C1orf21: variants seen among roughly 807,000 people sequenced by gnomAD.
C1orf21 encodes the protein uncharacterized protein C1orf21.
C1orf21 carries 3 observed loss-of-function variants against 18.7 expected under a neutral mutation model. That is an observed-to-expected ratio of 0.16 (90% CI 0.07 to 0.42). The LOEUF (loss-of-function observed/expected upper bound fraction) is 0.42. C1orf21 is among the 10% of genes least tolerant of loss of function. The pLI is 0.99. For synonymous variants in C1orf21, 41 were observed against 46.4 expected (o/e 0.88, Z 0.47); for missense variants, 104 against 143.6 (o/e 0.72, Z 1.41).
At chr1:184,523,896 T>C (rs1243130707) in intron 3 of C1orf21, among the ~76,000 whole-genome samples, 1 of 152,120 alleles carries the variant, frequency 6.6e-6, no homozygotes, top group Non-Finnish European at 1.5e-5. Context: ...TTATGTAGGG[T>C]TATTGAGACA....
chr1:184,594,171 G>A (rs2102000614), intron 4 of C1orf21, among the ~76,000 whole-genome samples: 1 of 152,324 alleles, frequency 6.6e-6, no homozygotes, highest in African/African-American at 2.4e-5. Context: ...TGAACTACTA[G>A]TAGGAGTCTG....
intron 3 of C1orf21, chr1:184,567,675 T>C (rs1659053339): frequency 5.1e-6 from 2 of 389,008 alleles, no homozygotes; most frequent in Non-Finnish European, 1.0e-5. Flanking sequence ...AGTTTCATAC[T>C]GGTCAAGCAG....
At chr1:184,500,933 A>C (rs1341516928) in intron 2 of C1orf21, among the ~76,000 whole-genome samples, 17 of 152,076 alleles carry the variant, frequency 1.1e-4, no homozygotes, top group Admixed American at 8.5e-4. Context: ...TTCCCTCTTG[A>C]GACTTGCTGT....
At chr1:184,593,198 C>G (rs1260917024) in intron 4 of C1orf21, among the ~76,000 whole-genome samples, 1 of 152,134 alleles carries the variant, frequency 6.6e-6, no homozygotes. Context: ...CACCCTGAAG[C>G]AGCACACTTC....
At chr1:184,555,950 C>T (rs1658873032) in intron 3 of C1orf21, among the ~76,000 whole-genome samples, 1 of 152,168 alleles carries the variant, frequency 6.6e-6, no homozygotes, top group Non-Finnish European at 1.5e-5. Flanking sequence ...GGCTGGGACT[C>T]CTGCTAGAGG....
At chr1:184,497,025 C>G (rs890645236) in intron 2 of C1orf21, among the ~76,000 whole-genome samples, 2 of 152,182 alleles carry the variant, frequency 1.3e-5, no homozygotes, top group Non-Finnish European at 2.9e-5. Flanking sequence ...TCCTCAGGCT[C>G]TCAGTACAGA....
intron 2 of C1orf21, among the ~76,000 whole-genome samples, chr1:184,503,626 G>A (rs1320326688): frequency 3.3e-5 from 5 of 152,136 alleles, no homozygotes; most frequent in South Asian, 2.1e-4. Flanking sequence ...TAGCTATGCT[G>A]AAGTGATTGA....
At chr1:184,526,796 CTTCATTCA>C (rs796163190) in intron 3 of C1orf21, among the ~76,000 whole-genome samples, 1 of 152,062 alleles carries the variant, frequency 6.6e-6, no homozygotes, top group Non-Finnish European at 1.5e-5. Flanking sequence ...TCTCAACCCC[CTTCATTCA>C]TTCATTCATT....
intron 3 of C1orf21, among the ~76,000 whole-genome samples, chr1:184,544,635 A>G (rs773128765): frequency 6.6e-6 from 1 of 152,248 alleles, no homozygotes; most frequent in Non-Finnish European, 1.5e-5. Context: ...GTGATGTATT[A>G]GTTACCCAGT....
At chr1:184,472,097 C>T (rs1451417022) in intron 1 of C1orf21, among the ~76,000 whole-genome samples, 1 of 151,794 alleles carries the variant, frequency 6.6e-6, no homozygotes, top group Non-Finnish European at 1.5e-5. Flanking sequence ...TACAGTGAAG[C>T]CCAGCAGATG....
At chr1:184,505,137 G>C (rs1271557377) in intron 2 of C1orf21, among the ~76,000 whole-genome samples, 7 of 151,706 alleles carry the variant, frequency 4.6e-5, no homozygotes, top group Non-Finnish European at 1.0e-4. Flanking sequence ...GCAGACGGGA[G>C]AGGACAGTGG....
intron 3 of C1orf21, among the ~76,000 whole-genome samples, chr1:184,583,230 G>C (rs904794968): frequency 7.2e-5 from 11 of 152,194 alleles, no homozygotes; most frequent in Non-Finnish European, 1.6e-4. Context: ...CGCGACAACA[G>C]CATAAGTATA....
At chr1:184,516,826 A>G (rs1365628357) in intron 3 of C1orf21, among the ~76,000 whole-genome samples, 1 of 152,216 alleles carries the variant, frequency 6.6e-6, no homozygotes. Flanking sequence ...GAGCCAAACC[A>G]TATTAACATC....
chr1:184,560,464 T>G lies in C1orf21; in HGVS notation c.190-30275T>G, dbSNP rs529302109. Among the ~76,000 whole-genome samples, 17 of 152,344 alleles carry G rather than the reference T, an allele frequency of 1.1e-4. 1 individual carries two copies. The East Asian group carries it at 1.5e-3, about 14-fold the overall frequency. ...AATTTCAATGACAGCAAAACCGCAC[T>G]GGTTCATATGAGCCAGAAGAAAAGG... is the stretch of plus-strand genomic sequence containing the variant. On this transcript the variant is annotated intron_variant, in intron 3 of 5. Transcript: ENST00000235307.
At chr1:184,553,601 A>G (rs937330539) in intron 3 of C1orf21, among the ~76,000 whole-genome samples, 1 of 152,188 alleles carries the variant, frequency 6.6e-6, no homozygotes, top group Non-Finnish European at 1.5e-5. Flanking sequence ...CTTCTGGGCT[A>G]TAGACTTTTT....
chr1:184,531,277 T>C (rs1436015472), intron 3 of C1orf21, among the ~76,000 whole-genome samples: 1 of 152,184 alleles, frequency 6.6e-6, no homozygotes, highest in African/African-American at 2.4e-5. Context: ...TCTTAGAGAC[T>C]CCCATTGCTT....
Position 184,627,958 on chromosome 1 carries a change from G to GT in C1orf21, c.*8404dup, listed in dbSNP as rs1460792399. On this transcript the variant is annotated 3_prime_UTR_variant, in exon 6 of 6. Coordinates refer to ENST00000235307, the MANE Select transcript of C1orf21 (RefSeq NM_030806.4). ...GGATCAAAATGCCTCCATGCCAGTT[G>GT]TTAATGGCTACATATTTGCCCTTCC... 6.6e-6 allele frequency: 1 copy of GT among 152,230 alleles called. No homozygotes were observed. Among genetic ancestry groups the GT allele is most frequent in the Non-Finnish European group, 1.5e-5 (1 of 68,034 alleles). 9.4% of individuals were successfully genotyped at this position (152,230 alleles called of 1,614,324 possible).
chr1:184,586,047 GT>G (rs1659347357), intron 3 of C1orf21, among the ~76,000 whole-genome samples: 1 of 152,186 alleles, frequency 6.6e-6, no homozygotes, highest in Non-Finnish European at 1.5e-5. Flanking sequence ...TCACCACACT[GT>G]CTTTCAAAAT....
At chr1:184,504,497 A>G (rs1040035508) in intron 2 of C1orf21, among the ~76,000 whole-genome samples, 4 of 152,184 alleles carry the variant, frequency 2.6e-5, no homozygotes, top group African/African-American at 7.2e-5. Context: ...TCGTAACCCA[A>G]AATGCTTCAT....
Sources: gnomAD v4.1 joint callset for allele counts (sites outside exome capture counted in the v4.1 genomes callset) on GRCh38, gnomAD v4.1.1 for gene constraint, MANE v1.5 for transcripts, NCBI Gene and HGNC (gene_info 2026-07-23, HGNC 2026-07-21) for gene names.